The following ERBB4 variants were observed in gnomAD, a reference collection of about 807,000 sequenced individuals.
ERBB4 encodes the protein receptor tyrosine-protein kinase erbB-4.
Under a neutral mutation model 158.0 loss-of-function variants are expected in ERBB4, and 42 were observed. That is an observed-to-expected ratio of 0.27 (90% CI 0.21 to 0.34). The LOEUF (loss-of-function observed/expected upper bound fraction) is 0.34. ERBB4 is among the 10% of genes least tolerant of loss of function. ERBB4 has a pLI of 1.00. For synonymous variants in ERBB4, 583 were observed against 558.7 expected (o/e 1.04, Z -0.61); for missense variants, 1,333 against 1,624.1 (o/e 0.82, Z 3.08).
chr2:211,576,451 CATTAT>C (rs1381742491), intron 19 of ERBB4, among the ~76,000 whole-genome samples: 1 of 152,120 alleles, frequency 6.6e-6, no homozygotes, highest in African/African-American at 2.4e-5. Context: ...AATTCATGGC[CATTAT>C]ATTTATCATC....
intron 1 of ERBB4, among the ~76,000 whole-genome samples, chr2:212,506,950 T>C (rs1455041178): frequency 6.6e-6 from 1 of 152,188 alleles, no homozygotes. Context: ...TCTAGCACTT[T>C]CATAGAAAGA....
intron 2 of ERBB4, among the ~76,000 whole-genome samples, chr2:212,036,666 G>T (rs569031618): frequency 1.2e-4 from 18 of 151,908 alleles, no homozygotes; most frequent in Non-Finnish European, 2.4e-4. Context: ...GGTTTTCACC[G>T]TGTTAGTCAG....
At chr2:211,437,176 T>C (rs112849888) in intron 20 of ERBB4, among the ~76,000 whole-genome samples, 5,228 of 152,308 alleles carry the variant, frequency 0.034, 122 homozygotes, top group Middle Eastern at 0.071. Flanking sequence ...AATCTGACTA[T>C]TTTTTATACC....
At chr2:211,917,765 T>C (rs1228015024) in intron 3 of ERBB4, among the ~76,000 whole-genome samples, 1 of 152,174 alleles carries the variant, frequency 6.6e-6, no homozygotes, top group African/African-American at 2.4e-5. Context: ...TGAGTCAGAT[T>C]CTGGATGACA....
intron 3 of ERBB4, among the ~76,000 whole-genome samples, chr2:211,913,698 G>T (rs913330226): frequency 2.0e-5 from 3 of 151,012 alleles, no homozygotes; most frequent in African/African-American, 7.3e-5. Flanking sequence ...TATACATAGA[G>T]AGAGAGAGCA....
At chr2:211,870,685 C>T (rs996549452) in intron 3 of ERBB4, among the ~76,000 whole-genome samples, 3 of 152,006 alleles carry the variant, frequency 2.0e-5, no homozygotes, top group African/African-American at 7.2e-5. Context: ...TACAGTTTTC[C>T]AGGTAAGAAT....
chr2:211,454,896 G>C (rs1030259597), intron 20 of ERBB4, among the ~76,000 whole-genome samples: 10 of 152,212 alleles, frequency 6.6e-5, no homozygotes, highest in Non-Finnish European at 1.2e-4. Flanking sequence ...CTCCTCACTT[G>C]TGTAAGGAGC....
In ERBB4 at chr2:211,630,611, GAAAAA is replaced by G. The variant is rs57466272; in HGVS notation, c.1947-22_1947-18del. On this transcript the variant is annotated intron_variant, in intron 16 of 27. Transcript: ENST00000342788. ...AGGGGAGTTCTGACAACCAGAATGAGAAAAAAAAAAATAAAAAGTATGAAGAGAGA... is the reference window on the plus strand; with the variant it reads ...AGGGGAGTTCTGACAACCAGAATGAGAAAAAATAAAAAGTATGAAGAGAGA... 6.1e-6 allele frequency: 8 copies of G among 1,315,192 alleles called. No homozygotes were observed. Among genetic ancestry groups the G allele is most frequent in the Non-Finnish European group, 7.2e-6 (7 of 968,714 alleles). The allele number at this position is 1,315,192 out of a possible 1,614,324, so 81.5% of individuals were successfully genotyped here.
chr2:212,019,471 T>C (rs1459292721), intron 2 of ERBB4, among the ~76,000 whole-genome samples: 2 of 151,690 alleles, frequency 1.3e-5, no homozygotes, highest in South Asian at 2.1e-4. Context: ...GAAACAAGAA[T>C]AGAAAAATAG....
chr2:212,175,251 TA>T (rs1024093678), intron 1 of ERBB4, among the ~76,000 whole-genome samples: 2 of 152,078 alleles, frequency 1.3e-5, no homozygotes, highest in Admixed American at 6.6e-5. Context: ...AAGCAGGCAA[TA>T]AATGTTGAAT....
chr2:211,989,223 C>G (rs1410804543), intron 2 of ERBB4, among the ~76,000 whole-genome samples: 1 of 151,872 alleles, frequency 6.6e-6, no homozygotes, highest in Non-Finnish European at 1.5e-5. Context: ...TAAATCTTTA[C>G]TGTGTCTTCT....
intron 5 of ERBB4, among the ~76,000 whole-genome samples, chr2:211,740,760 G>A (rs1294605392): frequency 6.7e-6 from 1 of 150,268 alleles, no homozygotes; most frequent in Non-Finnish European, 1.5e-5. Flanking sequence ...ATAGGCGCCC[G>A]CCACCACACC....
At chr2:211,440,988 A>G (rs2063961396) in intron 20 of ERBB4, among the ~76,000 whole-genome samples, 1 of 152,158 alleles carries the variant, frequency 6.6e-6, no homozygotes, top group Non-Finnish European at 1.5e-5. Flanking sequence ...TGGCACCTAC[A>G]TACTTCCTTC....
rs1394107563 is a variant in ERBB4, at chr2:211,977,530, T to TAAAAAAAAAAAAA, written c.235-29915_235-29914insTTTTTTTTTTTTT. On this transcript the variant is annotated intron_variant, in intron 2 of 27. Coordinates refer to ENST00000342788, the MANE Select transcript of ERBB4 (RefSeq NM_005235.3). The stretch of plus-strand genomic sequence containing the variant: ...GCCTTACTTTGTTAAGATATTGACT[T>TAAAAAAAAAAAAA]TAAAAAAAAAAAAAAAAAGTAACTT... 6.3e-3 allele frequency among the ~76,000 whole-genome samples: 42 copies of TAAAAAAAAAAAAA among 6,670 alleles called. 1 individual carries two copies. Among genetic ancestry groups the TAAAAAAAAAAAAA allele is most frequent in the South Asian group, 0.016 (3 of 190 alleles). The allele number at this position is 6,670 out of a possible 152,430, so 4.4% of individuals were successfully genotyped here.
At chr2:212,195,106 T>C (rs1467187992) in intron 1 of ERBB4, among the ~76,000 whole-genome samples, 1 of 152,028 alleles carries the variant, frequency 6.6e-6, no homozygotes, top group Non-Finnish European at 1.5e-5. Context: ...ATATAGTGCA[T>C]AAAAATGTTT....
At chr2:211,636,739 G>T (rs774409810) in intron 16 of ERBB4, among the ~76,000 whole-genome samples, 4 of 151,564 alleles carry the variant, frequency 2.6e-5, no homozygotes, top group Non-Finnish European at 5.9e-5. Context: ...GTGTATGTTG[G>T]GGTATGTGTG....
At chr2:212,459,497 T>C (rs1330587304) in intron 1 of ERBB4, among the ~76,000 whole-genome samples, 1 of 152,098 alleles carries the variant, frequency 6.6e-6, no homozygotes, top group Non-Finnish European at 1.5e-5. Context: ...TTGAAAGTAA[T>C]AATACTGTGA....
chr2:212,496,294 CA>C (rs1175500992), intron 1 of ERBB4, among the ~76,000 whole-genome samples: 2 of 146,102 alleles, frequency 1.4e-5, no homozygotes, highest in African/African-American at 5.1e-5. Context: ...AAAAAAAAAA[CA>C]AAAAAACAGA....
intron 2 of ERBB4, among the ~76,000 whole-genome samples, chr2:211,973,253 G>A (rs1575457237): frequency 1.3e-5 from 2 of 151,270 alleles, no homozygotes; most frequent in African/African-American, 4.9e-5. Flanking sequence ...CCAGGCTGGA[G>A]TGCAGTGGCG....
Sources: allele counts gnomAD v4.1 joint callset (sites outside exome capture counted in the v4.1 genomes callset), GRCh38; gene constraint gnomAD v4.1.1; transcripts MANE v1.5; gene names NCBI Gene and HGNC (gene_info 2026-07-23, HGNC 2026-07-21).